The following HMGCLL1 variants were observed in gnomAD, a reference collection of about 807,000 sequenced individuals.
HMGCLL1 encodes 3-hydroxymethyl-3-methylglutaryl-CoA lyase, cytoplasmic.
HMGCLL1 carries 36 observed loss-of-function variants against 39.1 expected under a neutral mutation model. That is an observed-to-expected ratio of 0.92 (90% CI 0.71 to 1.22). HMGCLL1 has a LOEUF of 1.22. Ranked by LOEUF, HMGCLL1 falls within the 50% of genes most tolerant of loss-of-function variation. HMGCLL1 has a pLI of 0.00. For missense variants in HMGCLL1, 451 were observed against 416.5 expected, an observed-to-expected ratio of 1.08 and a Z score of -0.72; for synonymous variants, 149 against 144.0, an observed-to-expected ratio of 1.03 and a Z score of -0.25.
chr6:55,539,049 A>G (rs1462074629), intron 3 of HMGCLL1, among the ~76,000 whole-genome samples: 1 of 152,198 alleles, frequency 6.6e-6, no homozygotes. Context: ...ACTGCAGAGA[A>G]ACGCAGAAAT....
intron 7 of HMGCLL1, among the ~76,000 whole-genome samples, chr6:55,462,617 A>C (rs1269738645): frequency 6.6e-6 from 1 of 152,238 alleles, no homozygotes; most frequent in African/African-American, 2.4e-5. Context: ...TCTAACCTAG[A>C]GCATGCAAAT....
chr6:55,628,248 G>A, the HMGCLL1 span, among the ~76,000 whole-genome samples: 17 of 116,200 alleles, frequency 1.5e-4, 1 homozygote, highest in South Asian at 2.3e-3. Flanking sequence ...CTAAACAGTA[G>A]GATAACATTT....
the HMGCLL1 span, among the ~76,000 whole-genome samples, chr6:55,641,178 A>C: frequency 2.0e-5 from 3 of 151,834 alleles, no homozygotes; most frequent in Non-Finnish European, 4.4e-5. Flanking sequence ...TGTATTTATA[A>C]TTGTATATAT....
intron 1 of HMGCLL1, among the ~76,000 whole-genome samples, chr6:55,558,816 A>G (rs1173097591): frequency 1.3e-5 from 2 of 152,130 alleles, no homozygotes; most frequent in Non-Finnish European, 2.9e-5. Flanking sequence ...TCTTTAAAAC[A>G]ATTTTCCTTC....
chr6:55,607,277 G>C, the HMGCLL1 span, among the ~76,000 whole-genome samples: 1 of 152,108 alleles, frequency 6.6e-6, no homozygotes, highest in African/African-American at 2.4e-5. Context: ...TTTTTCATGA[G>C]CATTAAGTAG....
chr6:55,488,932 T>C (rs1422796285), intron 7 of HMGCLL1, among the ~76,000 whole-genome samples: 1 of 152,050 alleles, frequency 6.6e-6, no homozygotes, highest in Non-Finnish European at 1.5e-5. Flanking sequence ...ATTGGAGTTA[T>C]CAGTGCTTCT....
intron 7 of HMGCLL1, among the ~76,000 whole-genome samples, chr6:55,458,243 T>C (rs9475300): frequency 0.08 from 12,241 of 152,242 alleles, 550 homozygotes; most frequent in African/African-American, 0.12. Flanking sequence ...TATTGAGTTC[T>C]TATATTGTTC....
chr6:55,483,941 T>C (rs981865159), intron 7 of HMGCLL1, among the ~76,000 whole-genome samples: 1 of 152,166 alleles, frequency 6.6e-6, no homozygotes, highest in Non-Finnish European at 1.5e-5. Context: ...TTATGTGTCA[T>C]GGATGAACAT....
Position 55,500,726 on chromosome 6 carries a change from A to G in HMGCLL1, c.543-1427T>C, listed in dbSNP as rs143045953. On this transcript the variant is annotated intron_variant, in intron 5 of 8. Coordinates refer to ENST00000274901, the MANE Select transcript of HMGCLL1 (RefSeq NM_001042406.2). The stretch of plus-strand genomic sequence containing the variant: ...AGTTTATGCTTTAGATAATCTGTAC[A>G]TTTAATCAAGATGTGTGAAAATAAA... Among the ~76,000 whole-genome samples the G allele has an allele frequency of 9.2e-5, 14 of 152,140 alleles. No homozygotes were observed. The East Asian group carries it at 2.5e-3, about 27-fold the overall frequency.
chr6:55,604,270 A>G, the HMGCLL1 span, among the ~76,000 whole-genome samples: 1 of 152,162 alleles, frequency 6.6e-6, no homozygotes, highest in African/African-American at 2.4e-5. Flanking sequence ...AACAAATATT[A>G]CATATAAATT....
chr6:55,538,834 A>G (rs1164064593), intron 3 of HMGCLL1, among the ~76,000 whole-genome samples: 1 of 150,574 alleles, frequency 6.6e-6, no homozygotes, highest in Non-Finnish European at 1.5e-5. Context: ...ATATATACAC[A>G]TACACACACA....
chr6:55,519,466 T>C (rs1231628052), intron 3 of HMGCLL1, among the ~76,000 whole-genome samples: 2 of 152,166 alleles, frequency 1.3e-5, no homozygotes, highest in Non-Finnish European at 1.5e-5. Flanking sequence ...TGATTGCATA[T>C]CCATGAATTT....
chr6:55,444,887 A>T (rs1332677918), intron 7 of HMGCLL1, among the ~76,000 whole-genome samples: 3 of 152,026 alleles, frequency 2.0e-5, no homozygotes, highest in Non-Finnish European at 4.4e-5. Flanking sequence ...ATCTGCAAAC[A>T]TACTCTGGCG....
At chr6:55,464,249 T>C (rs917221028) in intron 7 of HMGCLL1, among the ~76,000 whole-genome samples, 36 of 152,164 alleles carry the variant, frequency 2.4e-4, no homozygotes, top group Non-Finnish European at 5.0e-4. Context: ...TTAAAAAATC[T>C]CACAAGATTA....
the HMGCLL1 span, among the ~76,000 whole-genome samples, chr6:55,608,027 C>A: frequency 6.6e-6 from 1 of 152,148 alleles, no homozygotes; most frequent in Non-Finnish European, 1.5e-5. Flanking sequence ...AATTCCAGTC[C>A]TCTTTTCTGC....
At chr6:55,474,525 T>G (rs528471761) in intron 7 of HMGCLL1, among the ~76,000 whole-genome samples, 1 of 151,686 alleles carries the variant, frequency 6.6e-6, no homozygotes, top group African/African-American at 2.4e-5. Flanking sequence ...CTTTTTTGCA[T>G]GTTGTCTACT....
At chr6:55,591,959 G>T in the HMGCLL1 span, among the ~76,000 whole-genome samples, 2 of 151,772 alleles carry the variant, frequency 1.3e-5, no homozygotes, top group Non-Finnish European at 2.9e-5. Flanking sequence ...CACCAATGTG[G>T]AATCATTACT....
At chr6:55,552,028 A>G (rs1299599041) in intron 1 of HMGCLL1, among the ~76,000 whole-genome samples, 4 of 152,000 alleles carry the variant, frequency 2.6e-5, no homozygotes, top group Non-Finnish European at 5.9e-5. Context: ...AAGACTAACC[A>G]AAGTTCTAAC....
intron 1 of HMGCLL1, among the ~76,000 whole-genome samples, chr6:55,549,891 T>C (rs909516848): frequency 2.0e-5 from 3 of 151,998 alleles, no homozygotes; most frequent in Non-Finnish European, 4.4e-5. Context: ...TACTCAGTCA[T>C]CCACACAGTC....
Sources: gnomAD v4.1 joint callset for allele counts (sites outside exome capture counted in the v4.1 genomes callset) on GRCh38, gnomAD v4.1.1 for gene constraint, MANE v1.5 for transcripts, NCBI Gene and HGNC (gene_info 2026-07-23, HGNC 2026-07-21) for gene names.